The following EXOC4 variants were observed in gnomAD, a reference collection of about 807,000 sequenced individuals.
The protein encoded by EXOC4 is SEC8-like 1.
Under a neutral mutation model 107.2 loss-of-function variants are expected in EXOC4, and 71 were observed. The observed-to-expected ratio is 0.66, with a 90% CI of 0.55 to 0.81. The LOEUF is 0.81. Among genes scored for constraint, EXOC4 ranks in the 30% least tolerant of loss-of-function variants. EXOC4 has a pLI of 0.00. For synonymous variants in EXOC4, 456 were observed against 441.2 expected (o/e 1.03, Z -0.42); for missense variants, 1,108 against 1,189.6 (o/e 0.93, Z 1.01).
intron 11 of EXOC4, among the ~76,000 whole-genome samples, chr7:133,854,263 A>G (rs911237158): frequency 2.0e-5 from 3 of 152,120 alleles, no homozygotes; most frequent in African/African-American, 7.2e-5. Flanking sequence ...GCTGGGAATG[A>G]CGGACTCTGG....
At chr7:133,281,794 C>T (rs1478132944) in intron 2 of EXOC4, among the ~76,000 whole-genome samples, 4 of 151,528 alleles carry the variant, frequency 2.6e-5, no homozygotes, top group Non-Finnish European at 4.4e-5. Flanking sequence ...CTTCGCCTCC[C>T]GGGTTCAAGT....
intron 9 of EXOC4, among the ~76,000 whole-genome samples, chr7:133,544,495 A>G (rs1021351621): frequency 2.0e-5 from 3 of 152,096 alleles, no homozygotes; most frequent in Non-Finnish European, 2.9e-5. Flanking sequence ...TTCTTTGTCA[A>G]TCAGGATCTA....
intron 3 of EXOC4, among the ~76,000 whole-genome samples, chr7:133,294,249 A>G (rs1403542807): frequency 6.6e-6 from 1 of 152,188 alleles, no homozygotes. Flanking sequence ...GTATTTCATG[A>G]TAGTTAATAT....
intron 17 of EXOC4, among the ~76,000 whole-genome samples, chr7:134,022,752 C>G (rs1038089977): frequency 6.6e-6 from 1 of 152,296 alleles, no homozygotes; most frequent in Admixed American, 6.5e-5. Flanking sequence ...AATAGTGAGG[C>G]CTGTATACTG....
Position 133,788,877 on chromosome 7 carries a change from G to C in EXOC4, c.1515-28448G>C, listed in dbSNP as rs1014403007. Among the ~76,000 whole-genome samples the C allele has an allele frequency of 1.6e-4, 24 of 152,144 alleles. No individual in the cohort carries two copies. The East Asian group carries it at 4.1e-3, about 26-fold the overall frequency. On this transcript the variant is annotated intron_variant, in intron 10 of 17. Coordinates refer to ENST00000253861, the MANE Select transcript of EXOC4 (RefSeq NM_021807.4). The stretch of plus-strand genomic sequence containing the variant: ...TACCTTCAGGCTGTATGGAGAATCT[G>C]ACTTTTTCTAGATGGCAAGATCTTC...
intron 9 of EXOC4, among the ~76,000 whole-genome samples, chr7:133,614,105 C>T (rs897805649): frequency 1.3e-5 from 2 of 152,022 alleles, no homozygotes; most frequent in Non-Finnish European, 2.9e-5. Context: ...AAAAGGATGT[C>T]GGCCTGAACA....
At chr7:133,796,821 A>T (rs1796826234) in intron 10 of EXOC4, among the ~76,000 whole-genome samples, 1 of 152,204 alleles carries the variant, frequency 6.6e-6, no homozygotes, top group Non-Finnish European at 1.5e-5. Context: ...ACCTGACTTC[A>T]TCGAAGGCTC....
intron 10 of EXOC4, among the ~76,000 whole-genome samples, chr7:133,777,912 A>T (rs936409223): frequency 6.6e-6 from 1 of 152,174 alleles, no homozygotes; most frequent in Admixed American, 6.5e-5. Flanking sequence ...CTTGGTGCAT[A>T]CTTTACCCAG....
chr7:134,087,386 G>A, the EXOC4 span, among the ~76,000 whole-genome samples: 1 of 152,118 alleles, frequency 6.6e-6, no homozygotes, highest in Non-Finnish European at 1.5e-5. Flanking sequence ...CATAACTTTT[G>A]AGTTCCAACA....
At chr7:133,338,741 G>A (rs1283661200) in intron 5 of EXOC4, among the ~76,000 whole-genome samples, 1 of 144,126 alleles carries the variant, frequency 6.9e-6, no homozygotes, top group Non-Finnish European at 1.5e-5. Flanking sequence ...GTACCCAATG[G>A]TGTAGTCTTT....
chr7:133,389,101 C>T (rs1796793960), intron 7 of EXOC4, among the ~76,000 whole-genome samples: 1 of 151,998 alleles, frequency 6.6e-6, no homozygotes, highest in African/African-American at 2.4e-5. Context: ...TGTCTGGCAG[C>T]AGTGTGCAAA....
intron 10 of EXOC4, among the ~76,000 whole-genome samples, chr7:133,715,550 T>G (rs749003019): frequency 1.3e-5 from 2 of 152,174 alleles, no homozygotes; most frequent in South Asian, 4.1e-4. Flanking sequence ...TATAGTAATA[T>G]AAAAAGTTAT....
At chr7:133,645,553 A>G (rs1481136557) in intron 10 of EXOC4, among the ~76,000 whole-genome samples, 2 of 152,082 alleles carry the variant, frequency 1.3e-5, no homozygotes, top group Non-Finnish European at 2.9e-5. Flanking sequence ...TAGAACTTGA[A>G]TGATTTTTAG....
chr7:133,977,578 C>G (rs1793868057), intron 14 of EXOC4, among the ~76,000 whole-genome samples: 2 of 152,186 alleles, frequency 1.3e-5, no homozygotes, highest in African/African-American at 4.8e-5. Flanking sequence ...GAGTGGAGTG[C>G]AGTAGGAACT....
At chr7:133,968,102 T>G (rs1388744619) in intron 14 of EXOC4, among the ~76,000 whole-genome samples, 1 of 152,198 alleles carries the variant, frequency 6.6e-6, no homozygotes, top group Admixed American at 6.5e-5. Flanking sequence ...TCTTTGTCTT[T>G]CTTGAATTTT....
intron 10 of EXOC4, among the ~76,000 whole-genome samples, chr7:133,740,478 C>T (rs993433181): frequency 2.6e-5 from 4 of 152,138 alleles, no homozygotes; most frequent in Non-Finnish European, 5.9e-5. Context: ...TGACACTGCT[C>T]AGGAGAGTCT....
the EXOC4 span, among the ~76,000 whole-genome samples, chr7:134,073,227 AAAAAAC>A: frequency 5.5e-5 from 1 of 18,114 alleles, no homozygotes; most frequent in African/African-American, 2.8e-4. Context: ...AAAAAAAAAA[AAAAAAC>A]AACAAAGAAA....
intron 14 of EXOC4, among the ~76,000 whole-genome samples, chr7:133,949,827 C>T (rs1458701502): frequency 6.6e-6 from 1 of 152,158 alleles, no homozygotes; most frequent in Non-Finnish European, 1.5e-5. Context: ...TCCAAACCAG[C>T]CAGATATGAC....
chr7:133,684,182 C>T (rs1794245704), intron 10 of EXOC4, among the ~76,000 whole-genome samples: 1 of 152,154 alleles, frequency 6.6e-6, no homozygotes, highest in Non-Finnish European at 1.5e-5. Flanking sequence ...TCATATTGCT[C>T]AGAAAAGATG....
Sources: gnomAD v4.1 joint callset for allele counts (sites outside exome capture counted in the v4.1 genomes callset) on GRCh38, gnomAD v4.1.1 for gene constraint, MANE v1.5 for transcripts, NCBI Gene and HGNC (gene_info 2026-07-23, HGNC 2026-07-21) for gene names.